SLC9B2: variants seen among roughly 807,000 people sequenced by gnomAD.
SLC9B2 encodes the protein solute carrier family 9 member B2.
Under a neutral mutation model 52.2 loss-of-function variants are expected in SLC9B2, and 39 were observed. The observed-to-expected ratio is 0.75, with a 90% confidence interval of 0.58 to 0.98. The LOEUF (loss-of-function observed/expected upper bound fraction) is 0.98, where lower values mean the gene tolerates loss of function less well. Ranked by LOEUF, SLC9B2 falls within the 50% of genes least tolerant of loss-of-function variation. The probability of loss-of-function intolerance (pLI) is 0.00; values close to 1 mark genes in which losing one functional copy is unlikely to be tolerated. For missense variants in SLC9B2, 626 were observed against 637.5 expected, an observed-to-expected ratio of 0.98 and a Z score of 0.19; for synonymous variants, 214 against 227.0, an observed-to-expected ratio of 0.94 and a Z score of 0.51.
intron 5 of SLC9B2, among the ~76,000 whole-genome samples, chr4:103,049,649 A>C (rs1286201177): frequency 6.6e-6 from 1 of 152,190 alleles, no homozygotes; most frequent in Non-Finnish European, 1.5e-5. Context: ...CTATATGTAC[A>C]TCAGAGAAAA....
In SLC9B2 at chr4:103,026,511, C is replaced by T. The variant is rs1742226831; in HGVS notation, c.1473G>A (p.Leu491=). 1 of 1,613,868 alleles carries T rather than the reference C, an allele frequency of 6.2e-7. No individual in the cohort carries two copies. The highest frequency in any genetic ancestry group is 8.5e-7 in the Non-Finnish European group (1 of 1,179,872). ...KQLEDYGMDV[L]TVAFLSILIT... is the part of the protein sequence containing the mutation. ...TGAGGATGGACAAAAATGCCACTGT[C>T]AACACATCCATTCCATAGTCTTCTA... Residue 491 remains leucine (L), a synonymous_variant, in exon 12 of 12, where the codon TTG becomes TTA. Transcript: ENST00000394785.
rs1258358248 is a variant in SLC9B2 at position 103,060,785 on chromosome 4, C to A, written c.272-2814G>T. Among the ~76,000 whole-genome samples, 4 of 152,124 alleles carry A rather than the reference C, an allele frequency of 2.6e-5. 1 individual carries two copies. Among genetic ancestry groups the A allele is most frequent in the South Asian group, 4.1e-4 (2 of 4,830 alleles). On this transcript the variant is annotated intron_variant, in intron 3 of 11. Transcript: ENST00000394785. ...ACCATGTACTTAAAAGCTTCCCATCCAAGACCATCTGAAAATGTTTTTTGA... is the reference window on the plus strand; with the variant it reads ...ACCATGTACTTAAAAGCTTCCCATCAAAGACCATCTGAAAATGTTTTTTGA...
intron 9 of SLC9B2, among the ~76,000 whole-genome samples, chr4:103,042,544 T>C (rs915108660): frequency 2.0e-5 from 3 of 151,628 alleles, no homozygotes. Flanking sequence ...GTAGTAATCA[T>C]ATGAAAACAT....
At chr4:103,043,561 T>C in intron 8 of SLC9B2, 116 bp from the exon 9 acceptor site, 2 of 975,604 alleles carry the variant, frequency 2.1e-6, no homozygotes, top group Non-Finnish European at 2.9e-6. Context: ...TCTATATAAA[T>C]AGACAAAACA....
intron 3 of SLC9B2, among the ~76,000 whole-genome samples, chr4:103,065,233 A>AT (rs1235021166): frequency 6.6e-6 from 1 of 151,808 alleles, no homozygotes; most frequent in Non-Finnish European, 1.5e-5. Flanking sequence ...ATTGGGTGAT[A>AT]TATATTGGGT....
intron 4 of SLC9B2, among the ~76,000 whole-genome samples, chr4:103,054,511 G>A (rs567605278): frequency 6.6e-6 from 1 of 152,262 alleles, no homozygotes; most frequent in African/African-American, 2.4e-5. Flanking sequence ...GTTCTGTAAA[G>A]GGCCAATGAA....
Position 103,026,268 on chromosome 4 carries a change from G to T in SLC9B2, c.*102C>A, listed in dbSNP as rs1578434932. 20 of 1,090,976 alleles carry T rather than the reference G, an allele frequency of 1.8e-5. No individual in the cohort carries two copies. In the East Asian group the frequency reaches 3.8e-4, roughly 21 times the overall value. 67.6% of individuals were successfully genotyped at this position (1,090,976 alleles called of 1,614,324 possible). Reference sequence around the variant, plus strand: ...GTTTAAAGAAACAGCTACACTTTTGGTTCTATTACATTTTAAGCTTAAACA... The same window carrying T: ...GTTTAAAGAAACAGCTACACTTTTGTTTCTATTACATTTTAAGCTTAAACA... On this transcript the variant is annotated 3_prime_UTR_variant, in exon 12 of 12. Transcript: ENST00000394785.
At chr4:103,046,696 CAT>C (rs1744158072) in intron 7 of SLC9B2, among the ~76,000 whole-genome samples, 1 of 149,834 alleles carries the variant, frequency 6.7e-6, no homozygotes, top group Non-Finnish European at 1.5e-5. Context: ...AGTCTCCACA[CAT>C]CTTTTGTGTG....
chr4:103,064,163 G>A (rs1020821739), intron 3 of SLC9B2, among the ~76,000 whole-genome samples: 1 of 152,198 alleles, frequency 6.6e-6, no homozygotes, highest in Admixed American at 6.5e-5. Flanking sequence ...CAAAGGAAAT[G>A]AAATCGGTAT....
intron 6 of SLC9B2, 188 bp downstream of exon 6, chr4:103,048,705 T>A: frequency 1.5e-6 from 1 of 663,146 alleles, no homozygotes; most frequent in Non-Finnish European, 2.4e-6. Context: ...AGGTGCTAAC[T>A]GTAAGAGTTA....
intron 10 of SLC9B2, 76 bp downstream of exon 10, chr4:103,031,623 TA>T: frequency 9.7e-7 from 1 of 1,032,450 alleles, no homozygotes; most frequent in Non-Finnish European, 1.5e-6. Flanking sequence ...TCAATGAATA[TA>T]AAAAGTAGAC....
chr4:103,032,458 A>T (rs1409791157), intron 9 of SLC9B2, among the ~76,000 whole-genome samples: 2 of 151,860 alleles, frequency 1.3e-5, no homozygotes, highest in Non-Finnish European at 2.9e-5. Context: ...CTGTTGCTCC[A>T]CAGAAAATGG....
At chr4:103,044,417 T>C (rs1229244833) in intron 8 of SLC9B2, among the ~76,000 whole-genome samples, 1 of 152,194 alleles carries the variant, frequency 6.6e-6, no homozygotes, top group Non-Finnish European at 1.5e-5. Flanking sequence ...TATGTGTGTA[T>C]GCATGTATGT....
downstream of SLC9B2, among the ~76,000 whole-genome samples, chr4:103,021,220 A>G (rs1283151778): frequency 3.3e-5 from 5 of 152,150 alleles, no homozygotes; most frequent in East Asian, 9.6e-4. Flanking sequence ...GGGCTCCTGG[A>G]GAGGTAAGTG....
In SLC9B2 at chr4:103,076,568, C is replaced by G. The variant is rs1747194090; in HGVS notation, c.-427G>C. On this transcript the variant is annotated 5_prime_UTR_variant, in exon 1 of 12. Coordinates refer to ENST00000394785, the MANE Select transcript of SLC9B2 (RefSeq NM_178833.7). The stretch of plus-strand genomic sequence containing the variant: ...GATGCCTGGTGCGCGTGGCTTCCCC[C>G]GGAAAGGTGGCGCCAGGCCGACCAT... The G allele has an allele frequency of 6.6e-6, 1 of 152,244 alleles. No homozygotes were observed. The highest frequency in any genetic ancestry group is 6.5e-5 in the Admixed American group (1 of 15,282). The allele number at this position is 152,244 out of a possible 1,614,324, so 9.4% of individuals were successfully genotyped here.
At chr4:103,019,635 C>A, downstream of SLC9B2, 1 of 985,468 alleles carries the variant, frequency 1.0e-6, no homozygotes, top group Non-Finnish European at 1.2e-6. Flanking sequence ...GGCCCGGGAG[C>A]GGCCCAGGAG....
chr4:103,048,638 CA>C (rs1744382786), intron 6 of SLC9B2: 1 of 334,698 alleles, frequency 3.0e-6, no homozygotes, highest in African/African-American at 2.1e-5. Context: ...ATCTCTTTAA[CA>C]GGCATTGAAT....
intron 11 of SLC9B2, among the ~76,000 whole-genome samples, chr4:103,027,333 T>TAA (rs991539011): frequency 1.2e-4 from 18 of 152,152 alleles, no homozygotes; most frequent in Non-Finnish European, 1.5e-4. Context: ...TGTTAAATTT[T>TAA]AAATAAATAT....
chr4:103,034,206 A>G (rs906773421), intron 9 of SLC9B2, among the ~76,000 whole-genome samples: 8 of 152,190 alleles, frequency 5.3e-5, no homozygotes, highest in Non-Finnish European at 8.8e-5. Context: ...GCAACTGGTA[A>G]AGGACCCCCT....
Sources: gnomAD v4.1 joint callset for allele counts (sites outside exome capture counted in the v4.1 genomes callset) on GRCh38, gnomAD v4.1.1 for gene constraint, MANE v1.5 for transcripts, NCBI Gene and HGNC (gene_info 2026-07-23, HGNC 2026-07-21) for gene names.